EEIG1: variants seen among roughly 807,000 people sequenced by gnomAD.
EEIG1 encodes the protein estrogen-induced osteoclastogenesis regulator 1, also known as early estrogen-induced gene 1 protein.
chr9:127,966,889 C>T, the EEIG1 span, among the ~76,000 whole-genome samples: 1 of 152,228 alleles, frequency 6.6e-6, no homozygotes, highest in South Asian at 2.1e-4. Context: ...GGTCTGTACT[C>T]CCAGGCCCCC....
chr9:127,948,148 G>T, the EEIG1 span: 1 of 1,613,960 alleles, frequency 6.2e-7, no homozygotes, highest in Non-Finnish European at 8.5e-7. Context: ...CCCACTGCTG[G>T]TCCCACCACC....
At chr9:127,943,360 G>A in the EEIG1 span, 2 of 924,788 alleles carry the variant, frequency 2.2e-6, no homozygotes, top group Admixed American at 1.9e-5. Context: ...TGTTGCAAAG[G>A]GGCTAAAACC....
chr9:127,965,135 A>G, the EEIG1 span, among the ~76,000 whole-genome samples: 1 of 147,468 alleles, frequency 6.8e-6, no homozygotes, highest in Non-Finnish European at 1.5e-5. Context: ...AAAAAAAAAA[A>G]AAAAAAAAAA....
At chr9:127,964,762 G>A in the EEIG1 span, among the ~76,000 whole-genome samples, 1 of 152,160 alleles carries the variant, frequency 6.6e-6, no homozygotes, top group African/African-American at 2.4e-5. Context: ...AAACTCACAA[G>A]CAAAGAGAGG....
At chr9:127,965,795 C>T in the EEIG1 span, among the ~76,000 whole-genome samples, 1 of 152,226 alleles carries the variant, frequency 6.6e-6, no homozygotes, top group Non-Finnish European at 1.5e-5. Context: ...GAGGAGCCTG[C>T]CCTGGGGACC....
chr9:127,952,289 T>C, the EEIG1 span, among the ~76,000 whole-genome samples: 2 of 152,180 alleles, frequency 1.3e-5, no homozygotes, highest in Non-Finnish European at 2.9e-5. Context: ...CTCTGGTCAG[T>C]GGGAAGGGCC....
chr9:127,950,416 C>G, the EEIG1 span: 2 of 1,613,502 alleles, frequency 1.2e-6, no homozygotes, highest in African/African-American at 1.3e-5. Context: ...GGCAGGATCC[C>G]TGGTACCTTA....
At chr9:127,957,508 C>T in the EEIG1 span, among the ~76,000 whole-genome samples, 1 of 152,142 alleles carries the variant, frequency 6.6e-6, no homozygotes, top group Non-Finnish European at 1.5e-5. Flanking sequence ...GATCGGAAGA[C>T]ATGTTGTTAA....
chr9:127,970,191 G>A, the EEIG1 span, among the ~76,000 whole-genome samples: 1 of 152,096 alleles, frequency 6.6e-6, no homozygotes, highest in Non-Finnish European at 1.5e-5. Flanking sequence ...TCCGCACGCT[G>A]CAGCCTCTGC....
At chr9:127,980,903 C>G in the EEIG1 span, among the ~76,000 whole-genome samples, 1 of 149,186 alleles carries the variant, frequency 6.7e-6, no homozygotes, top group Non-Finnish European at 1.5e-5. Context: ...GCCCGCCTCG[C>G]CCGGCACCCT....
the EEIG1 span, chr9:127,972,676 C>A: frequency 6.6e-6 from 1 of 152,298 alleles, no homozygotes; most frequent in Non-Finnish European, 1.5e-5. This position sits in a 1 kb window ranked among gnomAD's most constrained non-coding sequence, Gnocchi z 4.3. Context: ...CAAGGCAGAA[C>A]AAGCAGGCAG....
the EEIG1 span, among the ~76,000 whole-genome samples, chr9:127,969,841 C>T: frequency 0.03 from 4,561 of 152,228 alleles, 99 homozygotes; most frequent in South Asian, 0.071. Context: ...TCCAGGCTTC[C>T]GGGCACCCAA....
the EEIG1 span, chr9:127,980,021 A>C: frequency 1.9e-6 from 3 of 1,613,340 alleles, no homozygotes; most frequent in East Asian, 6.7e-5. Flanking sequence ...AATCCCCTCC[A>C]TCCAGCAGCC....
the EEIG1 span, among the ~76,000 whole-genome samples, chr9:127,975,533 G>A: frequency 6.6e-6 from 1 of 152,052 alleles, no homozygotes. Context: ...AAGACACAGG[G>A]GACAGAGGTC....
the EEIG1 span, among the ~76,000 whole-genome samples, chr9:127,946,529 G>T: frequency 6.6e-6 from 1 of 152,218 alleles, no homozygotes; most frequent in African/African-American, 2.4e-5. Context: ...TCTGCATATG[G>T]GGGGAGGCCA....
At chr9:127,961,845 G>A in the EEIG1 span, among the ~76,000 whole-genome samples, 1,188 of 148,866 alleles carry the variant, frequency 8.0e-3, 15 homozygotes, top group African/African-American at 0.027. Context: ...AATGTCTGTC[G>A]CGTTTGAGGA....
At chr9:127,979,446 A>G in the EEIG1 span, among the ~76,000 whole-genome samples, 1 of 152,226 alleles carries the variant, frequency 6.6e-6, no homozygotes, top group East Asian at 1.9e-4. Flanking sequence ...CCTCCTCGAC[A>G]AGGGTATTTG....
chr9:127,944,008 A>AT, the EEIG1 span: 1 of 153,706 alleles, frequency 6.5e-6, no homozygotes, highest in Non-Finnish European at 1.4e-5. Flanking sequence ...TCATTCGCTC[A>AT]CTCGCTCATT....
At chr9:127,980,252 T>C in the EEIG1 span, 1 of 1,223,524 alleles carries the variant, frequency 8.2e-7, no homozygotes, top group Non-Finnish European at 1.1e-6. Flanking sequence ...CCCGCCCTGA[T>C]GGTGGCGGAG....
Sources: gnomAD v4.1 joint callset for allele counts (sites outside exome capture counted in the v4.1 genomes callset) on GRCh38, gnomAD v4.1.1 for gene constraint, Gnocchi (gnomAD v3.1) non-coding constraint, MANE v1.5 for transcripts, NCBI Gene and HGNC (gene_info 2026-07-23, HGNC 2026-07-21) for gene names.